NCOA2: variants seen among roughly 807,000 people sequenced by gnomAD.
The protein encoded by NCOA2 is nuclear receptor coactivator 2, also known as class E basic helix-loop-helix protein 75.
A neutral mutation model predicts 145.1 loss-of-function variants in NCOA2; 21 were observed. The observed-to-expected ratio is 0.14, with a 90% CI of 0.10 to 0.21. The LOEUF is 0.21. Ranked by LOEUF, NCOA2 falls within the 10% of genes least tolerant of loss-of-function variation. The probability of loss-of-function intolerance (pLI) is 1.00; values close to 1 mark genes in which losing one functional copy is unlikely to be tolerated. For missense variants in NCOA2, 1,472 were observed against 1,837.6 expected, an observed-to-expected ratio of 0.80 and a Z score of 3.64; for synonymous variants, 619 against 637.5, an observed-to-expected ratio of 0.97 and a Z score of 0.44.
At chr8:70,255,428 C>A (rs1823553425) in intron 2 of NCOA2, among the ~76,000 whole-genome samples, 1 of 152,176 alleles carries the variant, frequency 6.6e-6, no homozygotes. Context: ...ACGCTTTAAG[C>A]AAGCCATGAA....
At chr8:70,167,091 C>A (rs1813697855) in intron 6 of NCOA2, among the ~76,000 whole-genome samples, 1 of 152,170 alleles carries the variant, frequency 6.6e-6, no homozygotes, top group Non-Finnish European at 1.5e-5. Context: ...TTATTTGTTA[C>A]TAGAATACTA....
chr8:70,208,224 G>C (rs2133758707), intron 4 of NCOA2, among the ~76,000 whole-genome samples: 1 of 152,216 alleles, frequency 6.6e-6, no homozygotes, highest in East Asian at 1.9e-4. Flanking sequence ...TTGAGAGCAA[G>C]GCCCTCTCAA....
chr8:70,403,640 C>T, intron 1 of NCOA2, 60 bp downstream of exon 1: 1 of 350,736 alleles, frequency 2.9e-6, no homozygotes, highest in Non-Finnish European at 5.1e-6. Context: ...GGACGCGGCG[C>T]CCCCCGCCTG....
chr8:70,309,173 T>C (rs1162241145), intron 1 of NCOA2, among the ~76,000 whole-genome samples: 1 of 152,106 alleles, frequency 6.6e-6, no homozygotes, highest in African/African-American at 2.4e-5. Context: ...GCCCCATCTA[T>C]TATAGCCCCT....
chr8:70,421,188 A>T, the NCOA2 span, among the ~76,000 whole-genome samples: 6 of 152,166 alleles, frequency 3.9e-5, no homozygotes, highest in Non-Finnish European at 8.8e-5. Context: ...CTAAGAGGAA[A>T]GCCTAAAGAA....
Position 70,126,857 on chromosome 8 carries a change from A to G in NCOA2, c.3872T>C (p.Ile1291Thr). 6.2e-7 allele frequency: 1 copy of G among 1,613,988 alleles called. No individual in the cohort carries two copies. The highest frequency in any genetic ancestry group is 8.5e-7 in the Non-Finnish European group (1 of 1,179,880). Residue 1291 changes from isoleucine to threonine, a missense_variant, in exon 19 of 23, where the codon ATT becomes ACT. Ile to Thr is a moderately conservative substitution (Grantham distance 89). Transcript: ENST00000452400. ...AAACTGCTGTGCATTTGCCTGGGGAATCCGAGGGTTGCTCATAGTTGCTGG... is the reference window on the plus strand; with the variant it reads ...AAACTGCTGTGCATTTGCCTGGGGAGTCCGAGGGTTGCTCATAGTTGCTGG... ...GMPATMSNPRIPQANAQQFPF... is the reference protein window; with the variant it reads ...GMPATMSNPRTPQANAQQFPF...
intron 15 of NCOA2, among the ~76,000 whole-genome samples, chr8:70,137,313 GATTAC>G (rs1412951098): frequency 6.6e-6 from 1 of 152,166 alleles, no homozygotes; most frequent in Non-Finnish European, 1.5e-5. Flanking sequence ...AAAGTGCTAG[GATTAC>G]AGGCGTGAGC....
chr8:70,128,565 T>C, intron 17 of NCOA2, 55 bp from the exon 18 acceptor site: 2 of 1,593,962 alleles, frequency 1.3e-6, no homozygotes, highest in South Asian at 2.2e-5. Flanking sequence ...CATTTTACTT[T>C]AAATCAAGTT....
chr8:70,262,234 CCCCCA>C (rs1824199048), intron 2 of NCOA2, among the ~76,000 whole-genome samples: 1 of 152,070 alleles, frequency 6.6e-6, no homozygotes, highest in African/African-American at 2.4e-5. Context: ...TTTATAGTAT[CCCCCA>C]TTTTATAGTA....
chr8:70,455,996 G>A, the NCOA2 span, among the ~76,000 whole-genome samples: 1 of 150,936 alleles, frequency 6.6e-6, no homozygotes, highest in Non-Finnish European at 1.5e-5. Flanking sequence ...AAATCCCAAA[G>A]CACTTTGCAT....
intron 1 of NCOA2, among the ~76,000 whole-genome samples, chr8:70,323,166 G>A (rs1168805880): frequency 6.6e-6 from 1 of 152,200 alleles, no homozygotes; most frequent in African/African-American, 2.4e-5. Context: ...TATGTACTGA[G>A]TCCACTGAGT....
chr8:70,204,263 C>T (rs1818217750), intron 4 of NCOA2, among the ~76,000 whole-genome samples: 1 of 152,162 alleles, frequency 6.6e-6, no homozygotes, highest in African/African-American at 2.4e-5. Flanking sequence ...CTGCCTCAGC[C>T]TCCCAAAGTG....
At chr8:70,212,193 T>G (rs1819116131) in intron 4 of NCOA2, among the ~76,000 whole-genome samples, 1 of 152,014 alleles carries the variant, frequency 6.6e-6, no homozygotes, top group Non-Finnish European at 1.5e-5. Context: ...AGAAGCTTAA[T>G]GATTTCTTTA....
At chr8:70,160,717 G>A (rs2132360716) in intron 9 of NCOA2, among the ~76,000 whole-genome samples, 1 of 150,136 alleles carries the variant, frequency 6.7e-6, no homozygotes, top group Non-Finnish European at 1.5e-5. Context: ...CATATAATGT[G>A]GATTCTAATT....
chr8:70,376,677 A>T (rs915830546), intron 1 of NCOA2, among the ~76,000 whole-genome samples: 1 of 152,036 alleles, frequency 6.6e-6, no homozygotes, highest in Non-Finnish European at 1.5e-5. Flanking sequence ...TTTATTCTAA[A>T]ATTTCCATAA....
At chr8:70,343,863 A>G (rs2136525325) in intron 1 of NCOA2, among the ~76,000 whole-genome samples, 1 of 152,254 alleles carries the variant, frequency 6.6e-6, no homozygotes, top group African/African-American at 2.4e-5. Flanking sequence ...TCCATGGGAA[A>G]ACATAATCTT....
At chr8:70,219,996 T>A (rs887809389) in intron 2 of NCOA2, among the ~76,000 whole-genome samples, 1 of 152,202 alleles carries the variant, frequency 6.6e-6, no homozygotes, top group Non-Finnish European at 1.5e-5. Flanking sequence ...TTCTTCTAAG[T>A]TATATAAATT....
chr8:70,432,197 T>C, the NCOA2 span, among the ~76,000 whole-genome samples: 81,717 of 151,654 alleles, frequency 0.54, 22,317 homozygotes, highest in East Asian at 0.72. Context: ...GTTAACAATT[T>C]CCCTGACAGT....
chr8:70,250,374 C>A (rs1373467163), intron 2 of NCOA2, among the ~76,000 whole-genome samples: 1 of 115,108 alleles, frequency 8.7e-6, no homozygotes, highest in Non-Finnish European at 1.6e-5. Context: ...GCCTGGTTGA[C>A]AGAGTGAGAC....
Sources: allele counts gnomAD v4.1 joint callset (sites outside exome capture counted in the v4.1 genomes callset), GRCh38; gene constraint gnomAD v4.1.1; transcripts MANE v1.5; gene names NCBI Gene and HGNC (gene_info 2026-07-23, HGNC 2026-07-21).